Variants in TTC7A observed in about 807,000 individuals in gnomAD.
TTC7A encodes the protein tetratricopeptide repeat domain 7A.
A neutral mutation model predicts 103.7 loss-of-function variants in TTC7A; 110 were observed. The ratio of observed to expected loss-of-function variants is 1.06; its 90% CI spans 0.91 to 1.24. TTC7A has a LOEUF of 1.24. Among genes scored for constraint, TTC7A ranks in the 50% most tolerant of loss-of-function variants. The pLI, the probability that TTC7A is intolerant of heterozygous loss-of-function variation, is 0.00. For missense variants in TTC7A, 1,340 were observed against 1,116.3 expected (o/e 1.20, Z -2.86); for synonymous variants, 521 against 467.9 (o/e 1.11, Z -1.47).
At chr2:46,974,184 A>G (rs1272613030) in intron 3 of TTC7A, among the ~76,000 whole-genome samples, 1 of 152,244 alleles carries the variant, frequency 6.6e-6, no homozygotes, top group Non-Finnish European at 1.5e-5. Context: ...TCCAAAGCTT[A>G]GCTTAGGGGA....
intron 5 of TTC7A, among the ~76,000 whole-genome samples, chr2:46,982,900 G>A (rs1432717802): frequency 3.3e-5 from 5 of 152,140 alleles, no homozygotes; most frequent in African/African-American, 4.8e-5. Flanking sequence ...CCAGGAGATC[G>A]AGGCTGCAGT....
intron 2 of TTC7A, among the ~76,000 whole-genome samples, chr2:46,951,427 C>A (rs1671393297): frequency 6.6e-6 from 1 of 152,060 alleles, no homozygotes; most frequent in Admixed American, 6.5e-5. Flanking sequence ...TACAATGTAT[C>A]CTGAACTATA....
chr2:46,951,024 G>C (rs1438237736), intron 2 of TTC7A, among the ~76,000 whole-genome samples: 1 of 152,198 alleles, frequency 6.6e-6, no homozygotes, highest in Non-Finnish European at 1.5e-5. Flanking sequence ...GGGTCAGGGG[G>C]CTCTCAGGAA....
intron 17 of TTC7A, 96 bp downstream of exon 17, chr2:47,050,142 C>G: frequency 9.4e-7 from 1 of 1,067,874 alleles, no homozygotes; most frequent in Non-Finnish European, 1.4e-6. Context: ...GGCCCTCTCC[C>G]AGCCGGGCCA....
chr2:46,991,257 C>G (rs1675598114), intron 5 of TTC7A, among the ~76,000 whole-genome samples: 1 of 152,108 alleles, frequency 6.6e-6, no homozygotes, highest in Admixed American at 6.5e-5. Context: ...GTGGGGGTCT[C>G]AGAATTTGCA....
At chr2:47,020,423 G>T (rs373373861) in intron 11 of TTC7A, among the ~76,000 whole-genome samples, 5 of 152,188 alleles carry the variant, frequency 3.3e-5, no homozygotes, top group Non-Finnish European at 7.3e-5. Context: ...CAGCTGTGGG[G>T]TTTCCCCGAC....
chr2:47,046,673 G>T, intron 16 of TTC7A: 1 of 511,732 alleles, frequency 2.0e-6, no homozygotes, highest in Non-Finnish European at 3.5e-6. Context: ...TAAGAAGGAA[G>T]AGAAATCATT....
upstream of TTC7A, among the ~76,000 whole-genome samples, chr2:46,940,429 C>A (rs938044979): frequency 7.9e-5 from 12 of 152,274 alleles, no homozygotes; most frequent in Middle Eastern, 3.4e-3. The surrounding 1 kb of genome is among the most constrained non-coding windows in gnomAD (Gnocchi z 4.7). Context: ...GGTCTCCCCC[C>A]AAGGGTGGAC....
At chr2:46,995,507 G>A (rs1239651555) in intron 8 of TTC7A, among the ~76,000 whole-genome samples, 1 of 152,220 alleles carries the variant, frequency 6.6e-6, no homozygotes, top group East Asian at 1.9e-4. Flanking sequence ...ACAGTAAAAT[G>A]TTACATAGCT....
At chr2:47,021,664 G>A (rs539188314) in intron 11 of TTC7A, among the ~76,000 whole-genome samples, 198 bp from the exon 12 acceptor site, 8 of 152,228 alleles carry the variant, frequency 5.3e-5, no homozygotes, top group African/African-American at 1.4e-4. Context: ...AAACTGGCCC[G>A]GTCTTGGGTT....
intron 2 of TTC7A, chr2:46,951,748 TC>T (rs1671436149): frequency 2.3e-6 from 1 of 438,858 alleles, no homozygotes; most frequent in African/African-American, 2.0e-5. Context: ...TATATTCACT[TC>T]CTTAAACCTT....
intron 2 of TTC7A, among the ~76,000 whole-genome samples, chr2:46,929,965 C>T (rs189716843): frequency 2.2e-4 from 33 of 152,170 alleles, no homozygotes; most frequent in Non-Finnish European, 4.0e-4. Context: ...TAGCTTGAGC[C>T]CCAGAGTGAA....
rs763497120 is a variant in TTC7A at position 46,979,421 on chromosome 2, G to GGGCTGT, written c.764+521_764+526dup. 5.3e-5 allele frequency among the ~76,000 whole-genome samples: 8 copies of GGGCTGT among 152,298 alleles called. No homozygotes were observed. In the East Asian group the frequency reaches 1.5e-3, roughly 29 times the overall value. On this transcript the variant is annotated intron_variant, in intron 5 of 19. Coordinates refer to ENST00000319190, the MANE Select transcript of TTC7A (RefSeq NM_020458.4). ...GAAGTGAAGTTCTGGCGTCACGCTG[G>GGGCTGT]GGCTGTGGCTGTCCCTGCTGACGAA...
chr2:46,987,214 C>T (rs917413096), intron 5 of TTC7A, among the ~76,000 whole-genome samples: 3 of 152,222 alleles, frequency 2.0e-5, no homozygotes, highest in Non-Finnish European at 2.9e-5. Context: ...GTTGGAGCCT[C>T]GCCCCAGGCA....
chr2:47,003,361 G>C (rs1026772189), intron 8 of TTC7A, among the ~76,000 whole-genome samples: 1 of 152,194 alleles, frequency 6.6e-6, no homozygotes, highest in Non-Finnish European at 1.5e-5. Context: ...GGTGCTGTAA[G>C]AGGGTGGTCC....
At chr2:46,991,908 G>C (rs1287611790) in intron 5 of TTC7A, among the ~76,000 whole-genome samples, 5 of 152,166 alleles carry the variant, frequency 3.3e-5, no homozygotes, top group African/African-American at 9.7e-5. Context: ...CAACTCTGAA[G>C]ACAAGGGTCC....
intron 8 of TTC7A, chr2:46,999,879 G>T: frequency 3.0e-6 from 3 of 985,448 alleles, no homozygotes; most frequent in Non-Finnish European, 3.6e-6. Context: ...CTGGTGTTGA[G>T]AGTGGGGTGG....
At chr2:46,950,711 T>A (rs1373585018) in intron 2 of TTC7A, among the ~76,000 whole-genome samples, 185 bp downstream of exon 2, 3 of 152,162 alleles carry the variant, frequency 2.0e-5, no homozygotes, top group African/African-American at 7.2e-5. Flanking sequence ...CTAGTCCACA[T>A]TGAGATGTGC....
intron 19 of TTC7A, among the ~76,000 whole-genome samples, chr2:47,064,189 T>C (rs1168981894): frequency 2.0e-5 from 3 of 152,220 alleles, no homozygotes; most frequent in Non-Finnish European, 4.4e-5. Flanking sequence ...AGTTTGTCCA[T>C]CAGGCTCTGG....
Sources: gnomAD v4.1 joint callset for allele counts (sites outside exome capture counted in the v4.1 genomes callset) on GRCh38, gnomAD v4.1.1 for gene constraint, Gnocchi (gnomAD v3.1) non-coding constraint, MANE v1.5 for transcripts, NCBI Gene and HGNC (gene_info 2026-07-23, HGNC 2026-07-21) for gene names.